Variants in ADD1 observed in about 807,000 individuals in gnomAD.
ADD1 encodes adducin 1.
Under a neutral mutation model 80.5 loss-of-function variants are expected in ADD1, and 24 were observed. That is an observed-to-expected ratio of 0.30 (90% CI 0.22 to 0.42). The LOEUF (loss-of-function observed/expected upper bound fraction) is 0.42. ADD1 is among the 10% of genes least tolerant of loss of function. The probability of loss-of-function intolerance (pLI) is 1.00; values close to 1 mark genes in which losing one functional copy is unlikely to be tolerated. For synonymous variants in ADD1, 373 were observed against 393.8 expected (o/e 0.95, Z 0.63); for missense variants, 948 against 1,019.0 (o/e 0.93, Z 0.95).
chr4:2,853,575 A>G (rs1474488139), intron 1 of ADD1: 1 of 152,058 alleles, frequency 6.6e-6, no homozygotes, highest in East Asian at 1.9e-4. Context: ...TTCTAAATAT[A>G]TGGTTTGAAG....
chr4:2,911,705 C>G (rs1001654225), intron 13 of ADD1, among the ~76,000 whole-genome samples: 2 of 152,182 alleles, frequency 1.3e-5, no homozygotes, highest in African/African-American at 4.8e-5. Flanking sequence ...GTCCACCTGA[C>G]TCAGCCTCCC....
chr4:2,925,902 C>G, intron 14 of ADD1, 112 bp from the exon 15 acceptor site: 1 of 789,128 alleles, frequency 1.3e-6, no homozygotes, highest in Non-Finnish European at 2.1e-6. Flanking sequence ...TTGAGAGAGC[C>G]CTGCCTTCTC....
At chr4:2,846,317 T>C (rs1454834993) in intron 1 of ADD1, among the ~76,000 whole-genome samples, 2 of 152,206 alleles carry the variant, frequency 1.3e-5, no homozygotes, top group African/African-American at 4.8e-5. Context: ...TTTTACTCTG[T>C]GGCATAGTTT....
intron 14 of ADD1, among the ~76,000 whole-genome samples, chr4:2,924,972 C>A (rs952494852): frequency 6.6e-6 from 1 of 152,136 alleles, no homozygotes; most frequent in Non-Finnish European, 1.5e-5. Context: ...AGTTTCCCCC[C>A]GATGTGTGAG....
At chr4:2,847,443 C>T (rs1374536395) in intron 1 of ADD1, among the ~76,000 whole-genome samples, 1 of 151,698 alleles carries the variant, frequency 6.6e-6, no homozygotes, top group African/African-American at 2.4e-5. Flanking sequence ...GGATTCTACT[C>T]AACCTTCTCA....
chr4:2,855,785 T>C (rs1727963416), intron 1 of ADD1, among the ~76,000 whole-genome samples: 1 of 151,400 alleles, frequency 6.6e-6, no homozygotes, highest in Non-Finnish European at 1.5e-5. Flanking sequence ...ACTGCAGCCT[T>C]GACCTCCTGA....
intron 1 of ADD1, among the ~76,000 whole-genome samples, chr4:2,873,288 A>C (rs1258765400): frequency 6.6e-6 from 1 of 152,230 alleles, no homozygotes; most frequent in African/African-American, 2.4e-5. Flanking sequence ...CACTGTACCC[A>C]GCAAATAATA....
Position 2,905,028 on chromosome 4 carries a change from A to G in ADD1, c.1426A>G (p.Ile476Val). The G allele has an allele frequency of 1.2e-6, 2 of 1,614,192 alleles. No individual in the cohort carries two copies. The highest frequency in any genetic ancestry group is 1.7e-6 in the Non-Finnish European group (2 of 1,180,028). ...PKSKTKVWTNITHDHVKPLLQ... is the reference protein window; with the variant it reads ...PKSKTKVWTNVTHDHVKPLLQ... ...GTCGAAGACTAAGGTGTGGACGAAC[A>G]TTACACACGATCACGTGAAACCCTT... Residue 476 changes from isoleucine to valine, a missense_variant, in exon 10 of 16, where the codon ATT becomes GTT. Physicochemically the swap from Ile to Val is conservative, Grantham distance 29. Coordinates refer to ENST00000683351, the MANE Select transcript of ADD1 (RefSeq NM_001354761.2).
intron 13 of ADD1, among the ~76,000 whole-genome samples, chr4:2,911,452 T>A (rs867198014): frequency 0.017 from 2,414 of 138,960 alleles, 28 homozygotes; most frequent in African/African-American, 0.029. Flanking sequence ...ATATATATTT[T>A]TTTTTTTTTT....
chr4:2,893,862 G>A lies in ADD1; in HGVS notation c.511-151G>A, dbSNP rs187753039. 5.9e-5 allele frequency: 38 copies of A among 645,478 alleles called. No individual in the cohort carries two copies. The South Asian group carries it at 6.9e-4, about 12-fold the overall frequency. 40.0% of individuals were successfully genotyped at this position (645,478 alleles called of 1,614,324 possible). On this transcript the variant is annotated intron_variant, in intron 4 of 15. Transcript: ENST00000683351. Reference sequence around the variant, plus strand: ...ACAGTAGAATAATGGAAAGCTTCCAGTACCCCTTGGCTTCGTGACAGGCAT... The same window carrying A: ...ACAGTAGAATAATGGAAAGCTTCCAATACCCCTTGGCTTCGTGACAGGCAT...
Position 2,876,036 on chromosome 4 carries a change from A to G in ADD1, c.121A>G (p.Met41Val). ...NNPEYLRERN[M>V]APDLRQDFNM... Reference sequence around the variant, plus strand: ...CCCAGAGTACTTGAGGGAGAGGAACATGGCACCAGACCTTCGCCAGGACTT... The same window carrying G: ...CCCAGAGTACTTGAGGGAGAGGAACGTGGCACCAGACCTTCGCCAGGACTT... The change falls in exon 2 of 16, where the codon ATG (methionine) becomes GTG (valine). Residue 41 changes from methionine to valine, a missense_variant. Met to Val is a conservative substitution (Grantham distance 21, BLOSUM62 1). Transcript: ENST00000683351. 5.6e-6 allele frequency: 9 copies of G among 1,614,194 alleles called. No homozygotes were observed. Among genetic ancestry groups the G allele is most frequent in the Non-Finnish European group, 7.6e-6 (9 of 1,180,022 alleles).
chr4:2,861,562 G>A (rs1324724570), intron 1 of ADD1, among the ~76,000 whole-genome samples: 1 of 152,148 alleles, frequency 6.6e-6, no homozygotes, highest in Non-Finnish European at 1.5e-5. Context: ...TTTGGCCTCA[G>A]GGAAGAGTTT....
Position 2,928,299 on chromosome 4 carries a change from G to GC in ADD1, c.2179dup (p.His727ProfsTer2). ...CCCAATGTTAGAGAAGGAGGAGGAA[G>GC]CCCATAGACCCCCAAGCCCCACTGA... On this transcript the variant is annotated frameshift_variant, in exon 16 of 16. Coordinates refer to ENST00000683351, the MANE Select transcript of ADD1 (RefSeq NM_001354761.2). LOFTEE classifies it low-confidence loss of function (END_TRUNC). The GC allele has an allele frequency of 6.2e-7, 1 of 1,614,050 alleles. No homozygotes were observed. The highest frequency in any genetic ancestry group is 8.5e-7 in the Non-Finnish European group (1 of 1,180,014).
In ADD1 at chr4:2,926,858, T is replaced by C. The variant is rs545766436; in HGVS notation, c.2047+746T>C. On this transcript the variant is annotated intron_variant, in intron 15 of 15. Transcript: ENST00000683351. The surrounding 1 kb of genome is among the most constrained non-coding windows in gnomAD (Gnocchi z 5.0). ...TGGTTCAGTCACCTGAGTGCTGTGC[T>C]GCCTTCAGCGGCAGCGGGTACCTCC... 6.6e-6 allele frequency among the ~76,000 whole-genome samples: 1 copy of C among 152,374 alleles called. No homozygotes were observed. The highest frequency in any genetic ancestry group is 1.5e-5 in the Non-Finnish European group (1 of 68,038).
rs2109225392 is a variant in ADD1 at position 2,926,189 on chromosome 4, G to A, written c.2047+77G>A. The A allele has an allele frequency of 2.3e-6, 3 of 1,328,136 alleles. No homozygotes were observed. The highest frequency in any genetic ancestry group is 3.2e-6 in the Non-Finnish European group (3 of 925,164). 82.3% of individuals were successfully genotyped at this position (1,328,136 alleles called of 1,614,324 possible). A position where few individuals can be genotyped will look rare whatever the true frequency, so the allele number is the denominator to read the frequency against. ...CGCGCTGTGGCGGAATGTGGCGGGA[G>A]TCGTGTTAACAGCAACACGGAAGTG... On this transcript the variant is annotated intron_variant, in intron 15 of 15. Coordinates refer to ENST00000683351, the MANE Select transcript of ADD1 (RefSeq NM_001354761.2). This position sits in a 1 kb window ranked among gnomAD's most constrained non-coding sequence, Gnocchi z 5.0.
chr4:2,886,279 C>G (rs901537121), intron 4 of ADD1, among the ~76,000 whole-genome samples: 1 of 152,200 alleles, frequency 6.6e-6, no homozygotes, highest in African/African-American at 2.4e-5. Context: ...AAGCTCCATT[C>G]TGGACTCAGA....
chr4:2,926,494 C>T lies in ADD1; in HGVS notation c.2047+382C>T, dbSNP rs922649588. ...CCACCGTGTGTCTGTGGTGTGTGAT[C>T]CCGGGTGTCTGTCCCTCGGTCTCGT... On this transcript the variant is annotated intron_variant, in intron 15 of 15. Coordinates refer to ENST00000683351, the MANE Select transcript of ADD1 (RefSeq NM_001354761.2). The surrounding 1 kb of genome is among the most constrained non-coding windows in gnomAD (Gnocchi z 5.0). 1 of 829,120 alleles carries T rather than the reference C, an allele frequency of 1.2e-6. No individual in the cohort carries two copies. Among genetic ancestry groups the T allele is most frequent in the South Asian group, 1.5e-5 (1 of 66,116 alleles). The allele number at this position is 829,120 out of a possible 1,614,324, so 51.4% of individuals were successfully genotyped here. A position where few individuals can be genotyped will look rare whatever the true frequency, so the allele number is the denominator to read the frequency against.
At chr4:2,898,385 G>C (rs774742702) in intron 7 of ADD1, 48 bp from the exon 8 acceptor site, 5 of 1,613,896 alleles carry the variant, frequency 3.1e-6, no homozygotes, top group Non-Finnish European at 4.2e-6. Flanking sequence ...TAAAGCAAAG[G>C]ACCAGTCTTC....
intron 14 of ADD1, among the ~76,000 whole-genome samples, chr4:2,923,634 C>A (rs1040290905): frequency 6.6e-6 from 1 of 152,258 alleles, no homozygotes; most frequent in Middle Eastern, 3.2e-3. Context: ...CACAGTATTT[C>A]TGTCTGTTGA....
Sources: gnomAD v4.1 joint callset for allele counts (sites outside exome capture counted in the v4.1 genomes callset) on GRCh38, gnomAD v4.1.1 for gene constraint, Gnocchi (gnomAD v3.1) non-coding constraint, MANE v1.5 for transcripts, NCBI Gene and HGNC (gene_info 2026-07-23, HGNC 2026-07-21) for gene names.